Variants in TMEFF1 observed in about 807,000 individuals in gnomAD.
The protein encoded by TMEFF1 is transmembrane protein with EGF like and two follistatin like domains 1, also known as tomoregulin-1.
In TMEFF1, 20 loss-of-function variants were observed where a neutral mutation model predicts 47.5. The observed-to-expected ratio is 0.42, with a 90% CI of 0.30 to 0.61. The LOEUF (loss-of-function observed/expected upper bound fraction) is 0.61. TMEFF1 is among the 20% of genes least tolerant of loss of function. The probability of loss-of-function intolerance (pLI) is 0.19; values close to 1 mark genes in which losing one functional copy is unlikely to be tolerated. For synonymous variants in TMEFF1, 162 were observed against 166.3 expected (o/e 0.97, Z 0.20); for missense variants, 411 against 471.1 (o/e 0.87, Z 1.18).
intron 1 of TMEFF1, among the ~76,000 whole-genome samples, chr9:100,481,253 A>G (rs1456907395): frequency 1.3e-5 from 2 of 152,188 alleles, no homozygotes; most frequent in East Asian, 3.8e-4. Context: ...CTCTGTATGT[A>G]GCTCTATGAA....
chr9:100,537,526 G>A (rs1205012546), intron 5 of TMEFF1, among the ~76,000 whole-genome samples: 2 of 152,212 alleles, frequency 1.3e-5, no homozygotes, highest in East Asian at 3.8e-4. Flanking sequence ...GAGATGTACT[G>A]CCTTGGTGAG....
intron 7 of TMEFF1, among the ~76,000 whole-genome samples, chr9:100,560,732 T>C (rs996610331): frequency 2.6e-5 from 4 of 152,232 alleles, no homozygotes; most frequent in African/African-American, 4.8e-5. Context: ...CATCAACATG[T>C]TGACAGTGTT....
chr9:100,568,735 C>G (rs534158617), intron 8 of TMEFF1, among the ~76,000 whole-genome samples: 57 of 152,264 alleles, frequency 3.7e-4, no homozygotes, highest in Middle Eastern at 3.4e-3. Context: ...TCCCCTCATG[C>G]TCTCTAGCTC....
At chr9:100,501,884 C>CCTT (rs1264369094) in intron 2 of TMEFF1, among the ~76,000 whole-genome samples, 1 of 152,194 alleles carries the variant, frequency 6.6e-6, no homozygotes, top group Non-Finnish European at 1.5e-5. Context: ...ACCTCGTGAA[C>CCTT]CGCCTGCCTT....
intron 7 of TMEFF1, among the ~76,000 whole-genome samples, chr9:100,557,545 A>G (rs1346244944): frequency 1.3e-5 from 2 of 152,126 alleles, no homozygotes; most frequent in Admixed American, 6.5e-5. Flanking sequence ...TGAGAATGCC[A>G]TGTGCATTAT....
At chr9:100,489,213 T>C (rs903166127) in intron 1 of TMEFF1, among the ~76,000 whole-genome samples, 4 of 152,218 alleles carry the variant, frequency 2.6e-5, no homozygotes, top group Admixed American at 2.0e-4. Context: ...TATTTTCTTT[T>C]CCTTTTTCTT....
intron 8 of TMEFF1, among the ~76,000 whole-genome samples, chr9:100,561,868 C>T (rs942390292): frequency 3.3e-5 from 5 of 152,004 alleles, no homozygotes; most frequent in Non-Finnish European, 5.9e-5. Context: ...GAACATGTAA[C>T]TCAAATAAAA....
chr9:100,496,965 C>T (rs1018603669), intron 1 of TMEFF1, among the ~76,000 whole-genome samples: 3 of 152,172 alleles, frequency 2.0e-5, no homozygotes, highest in Admixed American at 6.5e-5. Flanking sequence ...TACATTCTTA[C>T]CCTCTTTTAC....
intron 4 of TMEFF1, among the ~76,000 whole-genome samples, chr9:100,515,265 G>T (rs1838045479): frequency 1.3e-5 from 2 of 152,122 alleles, no homozygotes; most frequent in Admixed American, 6.6e-5. Flanking sequence ...TTAATATACA[G>T]ACCTTAGTGA....
At chr9:100,477,044 C>A (rs1014318621) in intron 1 of TMEFF1, among the ~76,000 whole-genome samples, 1 of 152,168 alleles carries the variant, frequency 6.6e-6, no homozygotes, top group Non-Finnish European at 1.5e-5. Flanking sequence ...TGTAGATATT[C>A]ATTTTTGGTT....
At chr9:100,571,178 A>G (rs764762500) in intron 8 of TMEFF1, among the ~76,000 whole-genome samples, 5 of 152,194 alleles carry the variant, frequency 3.3e-5, no homozygotes, top group Non-Finnish European at 7.3e-5. Context: ...TCTTGAATAT[A>G]ATTTGGTGCT....
At chr9:100,570,026 G>C (rs1296126314) in intron 8 of TMEFF1, among the ~76,000 whole-genome samples, 1 of 152,100 alleles carries the variant, frequency 6.6e-6, no homozygotes, top group Non-Finnish European at 1.5e-5. Flanking sequence ...ATATGAGTGG[G>C]ATCACTCAGT....
intron 5 of TMEFF1, among the ~76,000 whole-genome samples, chr9:100,546,730 T>C (rs529032709): frequency 6.6e-6 from 1 of 152,330 alleles, no homozygotes; most frequent in South Asian, 2.1e-4. Flanking sequence ...TTTTTGTTGT[T>C]TTTATCAGGA....
intron 5 of TMEFF1, among the ~76,000 whole-genome samples, chr9:100,519,140 G>A (rs1001401214): frequency 1.3e-5 from 2 of 152,116 alleles, no homozygotes; most frequent in Non-Finnish European, 2.9e-5. Context: ...CAGGCAGGGC[G>A]CAGTGGCTCA....
In TMEFF1 at chr9:100,483,100, T is replaced by G. The variant is rs774668526; in HGVS notation, c.196+9360T>G. 1.9e-4 allele frequency among the ~76,000 whole-genome samples: 28 copies of G among 151,274 alleles called. 1 individual carries two copies. In the Middle Eastern group the frequency reaches 0.02, roughly 110 times the overall value. On this transcript the variant is annotated intron_variant, in intron 1 of 9. Coordinates refer to ENST00000374879, the MANE Select transcript of TMEFF1 (RefSeq NM_003692.5). Reference sequence around the variant, plus strand: ...TCATTTATGATAAAATTTCTCTCATTGTTGTGAAACACATGAATTTATATA... The same window carrying G: ...TCATTTATGATAAAATTTCTCTCATGGTTGTGAAACACATGAATTTATATA...
chr9:100,520,828 C>A (rs1157451928), intron 5 of TMEFF1, among the ~76,000 whole-genome samples: 1 of 152,230 alleles, frequency 6.6e-6, no homozygotes, highest in African/African-American at 2.4e-5. Flanking sequence ...GGTCTCATGA[C>A]AAGGAATCAG....
chr9:100,492,494 C>T (rs1837573115), intron 1 of TMEFF1, among the ~76,000 whole-genome samples: 1 of 152,214 alleles, frequency 6.6e-6, no homozygotes. Flanking sequence ...CTAGAGAGGG[C>T]CTAGTAGCCT....
At position 100,487,371 on chromosome 9, in the gene TMEFF1, T is replaced by C. The variant is rs546569495; in HGVS notation, c.197-11394T>C. Among the ~76,000 whole-genome samples, 13 of 152,290 alleles carry C rather than the reference T, an allele frequency of 8.5e-5. No individual in the cohort carries two copies. In the South Asian group the frequency reaches 2.7e-3, roughly 32 times the overall value. On this transcript the variant is annotated intron_variant, in intron 1 of 9. Coordinates refer to ENST00000374879, the MANE Select transcript of TMEFF1 (RefSeq NM_003692.5). ...TTAGTACAGATGGGGTTTCACCATG[T>C]TTGCTAGGCTGGTCTCGAATCCCTG...
chr9:100,489,526 G>A (rs1448255246), intron 1 of TMEFF1, among the ~76,000 whole-genome samples: 1 of 152,174 alleles, frequency 6.6e-6, no homozygotes, highest in Admixed American at 6.5e-5. Flanking sequence ...ACTGTAGCAT[G>A]TAATTGTTTT....
Sources: gnomAD v4.1 joint callset for allele counts (sites outside exome capture counted in the v4.1 genomes callset) on GRCh38, gnomAD v4.1.1 for gene constraint, MANE v1.5 for transcripts, NCBI Gene and HGNC (gene_info 2026-07-23, HGNC 2026-07-21) for gene names.